The following VAC14 variants were observed in gnomAD, a reference collection of about 807,000 sequenced individuals.
VAC14 encodes VAC14 component of PIKFYVE complex.
In VAC14, 47 loss-of-function variants were observed where a neutral mutation model predicts 85.3. The ratio of observed to expected loss-of-function variants is 0.55; its 90% confidence interval spans 0.44 to 0.70. The LOEUF (loss-of-function observed/expected upper bound fraction) is 0.70. VAC14 is among the 30% of genes least tolerant of loss of function. The pLI is 0.00. For synonymous variants in VAC14, 447 were observed against 430.5 expected, an observed-to-expected ratio of 1.04 and a Z score of -0.47; for missense variants, 861 against 1,004.3, an observed-to-expected ratio of 0.86 and a Z score of 1.93.
chr16:70,782,859 T>C (rs1384296940), intron 7 of VAC14, among the ~76,000 whole-genome samples, 174 bp downstream of exon 7: 2 of 152,160 alleles, frequency 1.3e-5, no homozygotes, highest in Non-Finnish European at 2.9e-5. Context: ...GACCTCCCTC[T>C]GTGAGACCCA....
At chr16:70,699,272 C>CT (rs1262425836) in intron 14 of VAC14, 3 of 189,092 alleles carry the variant, frequency 1.6e-5, no homozygotes, top group African/African-American at 2.3e-5. Context: ...TTTACTGCCC[C>CT]ACTCCTCCTC....
At chr16:70,760,674 C>A (rs771517698) in intron 12 of VAC14, among the ~76,000 whole-genome samples, 1 of 152,166 alleles carries the variant, frequency 6.6e-6, no homozygotes, top group African/African-American at 2.4e-5. Context: ...GCCTGAACAG[C>A]GCTGTTTAAT....
intron 14 of VAC14, among the ~76,000 whole-genome samples, chr16:70,707,802 T>C (rs997932282): frequency 2.9e-4 from 41 of 142,082 alleles, no homozygotes; most frequent in Non-Finnish European, 5.3e-4. Context: ...GCCTTTTTTC[T>C]TTTTTTTTTT....
In VAC14 at chr16:70,795,774, C is replaced by T. The variant is rs545791722; in HGVS notation, c.104+5023G>A. Among the ~76,000 whole-genome samples the T allele has an allele frequency of 1.1e-4, 17 of 152,340 alleles. No individual in the cohort carries two copies. In the South Asian group the frequency reaches 3.5e-3, roughly 32 times the overall value. ...GAGAGTTACATTTGCTGGCTTTGAA[C>T]TCAAAGTTCAAAAACAAGATCAGGT... is the stretch of plus-strand genomic sequence containing the variant. On this transcript the variant is annotated intron_variant, in intron 1 of 18. Transcript: ENST00000261776.
At chr16:70,780,010 T>C (rs2033729507) in intron 9 of VAC14, among the ~76,000 whole-genome samples, 1 of 150,730 alleles carries the variant, frequency 6.6e-6, no homozygotes, top group Middle Eastern at 3.2e-3. Flanking sequence ...ATCTGGCTAA[T>C]TTTTGTAATT....
chr16:70,698,491 T>C, intron 15 of VAC14, 146 bp downstream of exon 15: 1 of 987,882 alleles, frequency 1.0e-6, no homozygotes, highest in Non-Finnish European at 1.5e-6. Context: ...GGGATCCCTA[T>C]TTCCCAGTGG....
At chr16:70,758,074 A>C (rs527460329) in intron 12 of VAC14, among the ~76,000 whole-genome samples, 1 of 152,280 alleles carries the variant, frequency 6.6e-6, no homozygotes, top group South Asian at 2.1e-4. Context: ...AAACACTGAG[A>C]GTACTCATCA....
intron 9 of VAC14, among the ~76,000 whole-genome samples, chr16:70,775,775 A>G (rs2033484856): frequency 6.6e-6 from 1 of 152,146 alleles, no homozygotes; most frequent in South Asian, 2.1e-4. Context: ...CCACATTTAT[A>G]GATGAAATAA....
chr16:70,722,217 G>T (rs932787488), intron 14 of VAC14, among the ~76,000 whole-genome samples: 1 of 152,196 alleles, frequency 6.6e-6, no homozygotes, highest in Non-Finnish European at 1.5e-5. Flanking sequence ...GGCCATCCCC[G>T]CCTGGGCTAT....
rs149139824 is a variant in VAC14, at chr16:70,704,042, C to T, written c.1662-5231G>A. Among the ~76,000 whole-genome samples, 512 of 152,356 alleles carry T rather than the reference C, an allele frequency of 3.4e-3. 3 individuals carry two copies. Among genetic ancestry groups the T allele is most frequent in the Non-Finnish European group, 5.5e-3 (371 of 68,024 alleles). On this transcript the variant is annotated intron_variant, in intron 14 of 18. Coordinates refer to ENST00000261776, the MANE Select transcript of VAC14 (RefSeq NM_018052.5). The stretch of plus-strand genomic sequence containing the variant: ...CTTCGTGTCACTGTCCCTCCCATCA[C>T]TAACACTGGCAAGCATCAGCACACA...
chr16:70,783,998 G>T, intron 5 of VAC14, 115 bp downstream of exon 5: 1 of 798,740 alleles, frequency 1.3e-6, no homozygotes, highest in Non-Finnish European at 2.1e-6. Context: ...GGTGTTAATG[G>T]CTATTCAAGG....
At chr16:70,760,739 A>G (rs2032261976) in intron 12 of VAC14, among the ~76,000 whole-genome samples, 1 of 152,198 alleles carries the variant, frequency 6.6e-6, no homozygotes, top group East Asian at 1.9e-4. Flanking sequence ...ACCAATTTCA[A>G]GCACAGAAAG....
At chr16:70,761,211 C>T (rs2032351530) in intron 12 of VAC14, 1 of 455,962 alleles carries the variant, frequency 2.2e-6, no homozygotes, top group African/African-American at 2.0e-5. Flanking sequence ...CCCCACAAGC[C>T]TGGCACCAGC....
chr16:70,690,760 C>A, intron 18 of VAC14: 1 of 985,550 alleles, frequency 1.0e-6, no homozygotes, highest in Non-Finnish European at 1.2e-6. Context: ...CCTCTGGGCC[C>A]CACCCTGCAA....
rs1020262444 is a variant in VAC14 at position 70,717,824 on chromosome 16, CT to C, written c.1661+13670del. On this transcript the variant is annotated intron_variant, in intron 14 of 18. Transcript: ENST00000261776. The stretch of plus-strand genomic sequence containing the variant: ...ACCATGCTCAGTTAATTATATTTCT[CT>C]TTTTTTGTAGGGCGGCAAGGGTTTC... 1.8e-4 allele frequency among the ~76,000 whole-genome samples: 27 copies of C among 152,090 alleles called. 1 individual carries two copies. The highest frequency in any genetic ancestry group is 2.6e-4 in the Non-Finnish European group (18 of 68,012).
chr16:70,730,620 C>CA (rs2054563696), intron 14 of VAC14, among the ~76,000 whole-genome samples: 1 of 126,720 alleles, frequency 7.9e-6, no homozygotes, highest in African/African-American at 3.3e-5. Flanking sequence ...TTTTTGGAGA[C>CA]AGAGTCTTGC....
rs78423816 is a variant in VAC14 at position 70,741,056 on chromosome 16, G to A, written c.1528+3367C>T. Among the ~76,000 whole-genome samples, 706 of 152,332 alleles carry A rather than the reference G, an allele frequency of 4.6e-3. 5 individuals carry two copies. Among genetic ancestry groups the A allele is most frequent in the African/African-American group, 0.016 (678 of 41,580 alleles). On this transcript the variant is annotated intron_variant, in intron 13 of 18. Transcript: ENST00000261776. The stretch of plus-strand genomic sequence containing the variant: ...CACCTTTGCTAGGCTCCCTGCCTCC[G>A]AGGCTTTCCAGACAGTCCCTTTGTG...
chr16:70,687,934 G>A lies in VAC14; in HGVS notation c.2343C>T (p.Val781=). ...CTCCTCCGTGCCAGGCCTGTCAGAG[G>A]ACAACCCTCCGGTCCAGGTGGTCCC... is the stretch of plus-strand genomic sequence containing the variant. ...GRGDHLDRRV[V]L Residue 781 remains valine (V), a synonymous_variant, in exon 19 of 19, where the codon GTC becomes GTT. Transcript: ENST00000261776. The A allele has an allele frequency of 6.5e-7, 1 of 1,548,196 alleles. No individual in the cohort carries two copies.
At chr16:70,786,088 C>T (rs913446932) in intron 2 of VAC14, 127 bp downstream of exon 2, 28 of 1,467,142 alleles carry the variant, frequency 1.9e-5, no homozygotes, top group South Asian at 3.9e-5. Context: ...GTCTCAGGTG[C>T]GGACAGAGTG....
Sources: allele counts gnomAD v4.1 joint callset (sites outside exome capture counted in the v4.1 genomes callset), GRCh38; gene constraint gnomAD v4.1.1; transcripts MANE v1.5; gene names NCBI Gene and HGNC (gene_info 2026-07-23, HGNC 2026-07-21).